ZNF564: variants seen among roughly 807,000 people sequenced by gnomAD.
ZNF564 encodes the protein zinc finger protein 564.
In ZNF564, 5 loss-of-function variants were observed where a neutral mutation model predicts 10.5. The ratio of observed to expected loss-of-function variants is 0.48; its 90% CI spans 0.25 to 1.00. ZNF564 has a LOEUF of 1.00. ZNF564 is among the 50% of genes least tolerant of loss of function. The pLI is 0.16. For missense variants in ZNF564, 603 were observed against 669.7 expected (o/e 0.90, Z 1.10); for synonymous variants, 242 against 218.1 (o/e 1.11, Z -0.97).
At position 12,535,026 on chromosome 19, in the gene ZNF564, C is replaced by G. The variant is rs990989733; in HGVS notation, c.4-6330G>C. On this transcript the variant is annotated intron_variant, in intron 1 of 3. Transcript: ENST00000339282. ...GTACATCCATATGATTAAATATAAT[C>G]ATATGGATGAAAAGAAGATATCAAG... 2.0e-5 allele frequency among the ~76,000 whole-genome samples: 3 copies of G among 151,930 alleles called. No individual in the cohort carries two copies. The East Asian group carries it at 5.8e-4, about 29-fold the overall frequency.
rs761659465 is a variant in ZNF564, at chr19:12,527,014, T to C, written c.1094A>G (p.Tyr365Cys). The change falls in exon 4 of 4, where the codon TAT becomes TGT. Residue 365 changes from tyrosine to cysteine, a missense_variant. Tyr to Cys is a radical substitution (Grantham distance 194). Coordinates refer to ENST00000339282, the MANE Select transcript of ZNF564 (RefSeq NM_144976.4). Reference protein sequence around the residue: ...HERTHTGEKPYECKECGKAFI... With the variant: ...HERTHTGEKPCECKECGKAFI... Reference sequence around the variant, plus strand: ...GGCTTTCCCGCATTCCTTACATTCATAGGGCTTCTCTCCAGTGTGAGTCCT... The same window carrying C: ...GGCTTTCCCGCATTCCTTACATTCACAGGGCTTCTCTCCAGTGTGAGTCCT... 6.2e-6 allele frequency: 10 copies of C among 1,613,924 alleles called. No homozygotes were observed. The highest frequency in any genetic ancestry group is 1.6e-4 in the Middle Eastern group (1 of 6,084).
chr19:12,536,448 A>G (rs1477700782), intron 1 of ZNF564, among the ~76,000 whole-genome samples: 1 of 152,212 alleles, frequency 6.6e-6, no homozygotes, highest in Non-Finnish European at 1.5e-5. Flanking sequence ...AAGTGCTGAC[A>G]TGGCAGGCGT....
At chr19:12,551,225 A>G in intron 1 of ZNF564, 105 bp downstream of exon 1, 2 of 1,343,262 alleles carry the variant, frequency 1.5e-6, no homozygotes, top group Non-Finnish European at 2.1e-6. Flanking sequence ...CGGGTCCCAG[A>G]CCCTGGAGTC....
At chr19:12,529,231 C>T (rs529143808) in intron 1 of ZNF564, among the ~76,000 whole-genome samples, 9 of 152,196 alleles carry the variant, frequency 5.9e-5, no homozygotes, top group Admixed American at 1.3e-4. Context: ...TACATTTTTA[C>T]TGTAGTCACT....
intron 1 of ZNF564, among the ~76,000 whole-genome samples, chr19:12,549,452 T>C (rs997396243): frequency 6.6e-6 from 1 of 152,306 alleles, no homozygotes; most frequent in South Asian, 2.1e-4. Context: ...CTGCTCACTC[T>C]GCCCCAAGCG....
Position 12,551,416 on chromosome 19 carries a change from G to C in ZNF564, c.-84C>G, listed in dbSNP as rs1168811856. The C allele has an allele frequency of 1.4e-6, 2 of 1,476,392 alleles. No individual in the cohort carries two copies. Among genetic ancestry groups the C allele is most frequent in the African/African-American group, 1.4e-5 (1 of 69,202 alleles). The allele number at this position is 1,476,392 out of a possible 1,614,324, so 91.5% of individuals were successfully genotyped here. On this transcript the variant is annotated 5_prime_UTR_variant, in exon 1 of 4. Coordinates refer to ENST00000339282, the MANE Select transcript of ZNF564 (RefSeq NM_144976.4). Reference sequence around the variant, plus strand: ...TCCCAGCGCGCCAGACGCTGCGGTGGAGCCACCGGGGCCACTGGAGAAGCG... The same window carrying C: ...TCCCAGCGCGCCAGACGCTGCGGTGCAGCCACCGGGGCCACTGGAGAAGCG...
chr19:12,541,695 T>A (rs762754067), intron 1 of ZNF564, among the ~76,000 whole-genome samples: 1 of 151,772 alleles, frequency 6.6e-6, no homozygotes, highest in Non-Finnish European at 1.5e-5. Flanking sequence ...CACAACCAGA[T>A]TTGCTTGGTA....
chr19:12,545,279 A>G (rs185943120), intron 1 of ZNF564, among the ~76,000 whole-genome samples: 6,544 of 151,054 alleles, frequency 0.043, 307 homozygotes, highest in African/African-American at 0.12. Flanking sequence ...AAAAAAAAAA[A>G]AAAGAAATGA....
In ZNF564 at chr19:12,543,363, A is replaced by C. The variant is rs1281598583; in HGVS notation, c.3+7967T>G. Among the ~76,000 whole-genome samples, 12 of 149,008 alleles carry C rather than the reference A, an allele frequency of 8.1e-5. No homozygotes were observed. In the East Asian group the frequency reaches 2.4e-3, roughly 30 times the overall value. The stretch of plus-strand genomic sequence containing the variant: ...GAAGGGGAAGGGGAAGGGGAAGGGG[A>C]AAGGGAAGGGACCACTTCTAAAAAC... On this transcript the variant is annotated intron_variant, in intron 1 of 3. Coordinates refer to ENST00000339282, the MANE Select transcript of ZNF564 (RefSeq NM_144976.4).
chr19:12,529,799 A>G (rs2021765269), intron 1 of ZNF564: 1 of 152,050 alleles, frequency 6.6e-6, no homozygotes, highest in South Asian at 2.1e-4. Context: ...CCAGCCCAAC[A>G]TGGCAAAACC....
At chr19:12,529,462 C>T (rs564982991) in intron 1 of ZNF564, among the ~76,000 whole-genome samples, 2 of 151,944 alleles carry the variant, frequency 1.3e-5, no homozygotes, top group African/African-American at 2.4e-5. Flanking sequence ...AAAAATTAGC[C>T]GGGCATGGTG....
intron 1 of ZNF564, among the ~76,000 whole-genome samples, chr19:12,534,138 A>G (rs1445035136): frequency 6.6e-6 from 1 of 152,176 alleles, no homozygotes; most frequent in African/African-American, 2.4e-5. Flanking sequence ...TCTACACAAG[A>G]CCAGAAACAG....
At chr19:12,537,660 C>T (rs961418032) in intron 1 of ZNF564, among the ~76,000 whole-genome samples, 10 of 151,716 alleles carry the variant, frequency 6.6e-5, no homozygotes, top group Non-Finnish European at 1.5e-4. Context: ...ATCACTTGAA[C>T]CCGGGAGGCG....
chr19:12,539,152 T>C (rs1255177450), intron 1 of ZNF564, among the ~76,000 whole-genome samples: 2 of 148,916 alleles, frequency 1.3e-5, no homozygotes, highest in African/African-American at 5.0e-5. Context: ...AAGAATCGCT[T>C]GAATCTAGGA....
At chr19:12,548,689 C>A (rs184982075) in intron 1 of ZNF564, 2 of 665,510 alleles carry the variant, frequency 3.0e-6, no homozygotes, top group East Asian at 5.4e-5. Flanking sequence ...TTATCTATCC[C>A]TTTCAGACAA....
intron 1 of ZNF564, among the ~76,000 whole-genome samples, chr19:12,541,036 C>A (rs1235881926): frequency 7.0e-6 from 1 of 142,810 alleles, no homozygotes; most frequent in Non-Finnish European, 1.5e-5. Flanking sequence ...ATAGCCCCAG[C>A]CTCAGGAATG....
intron 1 of ZNF564, among the ~76,000 whole-genome samples, chr19:12,531,292 C>G (rs2021795012): frequency 1.3e-5 from 2 of 152,070 alleles, no homozygotes; most frequent in Admixed American, 1.3e-4. Context: ...TCTGTAATCC[C>G]AGCACTTTGG....
chr19:12,532,534 C>CA (rs35579003), intron 1 of ZNF564, among the ~76,000 whole-genome samples: 14,028 of 37,294 alleles, frequency 0.38, 2,084 homozygotes, highest in East Asian at 0.4. Context: ...GACTCCGTCT[C>CA]AAAAAAAAAA....
chr19:12,526,342 A>G lies in ZNF564; in HGVS notation c.*104T>C. ...GAGATTCCTATTCCAAAAGTGAGAAACAGGAGAAAGGGGTGAGCTCCCAAA... is the reference window on the plus strand; with the variant it reads ...GAGATTCCTATTCCAAAAGTGAGAAGCAGGAGAAAGGGGTGAGCTCCCAAA... On this transcript the variant is annotated 3_prime_UTR_variant, in exon 4 of 4. Coordinates refer to ENST00000339282, the MANE Select transcript of ZNF564 (RefSeq NM_144976.4). The G allele has an allele frequency of 8.4e-7, 1 of 1,193,634 alleles. No individual in the cohort carries two copies. The highest frequency in any genetic ancestry group is 1.2e-6 in the Non-Finnish European group (1 of 855,408). The allele number at this position is 1,193,634 out of a possible 1,614,324, so 73.9% of individuals were successfully genotyped here.
Sources: gnomAD v4.1 joint callset for allele counts (sites outside exome capture counted in the v4.1 genomes callset) on GRCh38, gnomAD v4.1.1 for gene constraint, MANE v1.5 for transcripts, NCBI Gene and HGNC (gene_info 2026-07-23, HGNC 2026-07-21) for gene names.